Variants in SPSB1 observed in about 807,000 individuals in gnomAD.
The protein encoded by SPSB1 is splA/ryanodine receptor domain and SOCS box containing 1.
SPSB1 carries 8 observed loss-of-function variants against 21.2 expected under a neutral mutation model. That is an observed-to-expected ratio of 0.38 (90% CI 0.22 to 0.68). The LOEUF (loss-of-function observed/expected upper bound fraction) is 0.68. Ranked by LOEUF, SPSB1 falls within the 30% of genes least tolerant of loss-of-function variation. SPSB1 has a pLI of 0.53. For synonymous variants in SPSB1, 169 were observed against 161.7 expected (o/e 1.05, Z -0.34); for missense variants, 242 against 377.8 (o/e 0.64, Z 2.98).
intron 1 of SPSB1, among the ~76,000 whole-genome samples, chr1:9,331,178 A>G (rs371103665): frequency 3.9e-5 from 6 of 151,996 alleles, no homozygotes; most frequent in Non-Finnish European, 7.3e-5. Flanking sequence ...CTGTGTAACA[A>G]CGGTTCATGG....
At chr1:9,341,480 T>C (rs1640089942) in intron 1 of SPSB1, among the ~76,000 whole-genome samples, 1 of 152,260 alleles carries the variant, frequency 6.6e-6, no homozygotes, top group Non-Finnish European at 1.5e-5. Flanking sequence ...TTAATACTTT[T>C]GGAATGAATT....
intron 1 of SPSB1, among the ~76,000 whole-genome samples, chr1:9,320,927 C>A (rs1238212521): frequency 6.6e-6 from 1 of 151,618 alleles, no homozygotes; most frequent in Non-Finnish European, 1.5e-5. Flanking sequence ...ACCCCTCCCC[C>A]TGCCAGGCTC....
In SPSB1 at chr1:9,346,407, G is replaced by A. The variant is rs1569635837; in HGVS notation, c.-149-9336G>A. On this transcript the variant is annotated intron_variant, in intron 1 of 2. Coordinates refer to ENST00000328089, the MANE Select transcript of SPSB1 (RefSeq NM_025106.4). The surrounding 1 kb of genome is among the most constrained non-coding windows in gnomAD (Gnocchi z 4.4). ...TCGCTGGTGACAGACCCACCTCTGT[G>A]CATCCTTTACCTGCCCTTTCTGTCT... Among the ~76,000 whole-genome samples, 2 of 152,296 alleles carry A rather than the reference G, an allele frequency of 1.3e-5. No individual in the cohort carries two copies. Among genetic ancestry groups the A allele is most frequent in the Admixed American group, 1.3e-4 (2 of 15,304 alleles).
intron 1 of SPSB1, among the ~76,000 whole-genome samples, chr1:9,296,758 G>A (rs988949275): frequency 5.3e-5 from 8 of 152,262 alleles, no homozygotes; most frequent in African/African-American, 1.9e-4. Context: ...CGGGGCAAGA[G>A]TCGGGAGATG....
At chr1:9,308,979 C>T (rs1294039) in intron 1 of SPSB1, among the ~76,000 whole-genome samples, 1,913 of 152,116 alleles carry the variant, frequency 0.013, 29 homozygotes, top group African/African-American at 0.032. Flanking sequence ...AGGGGCTGGG[C>T]GGGCACCAGG....
chr1:9,295,232 G>A (rs1003939913), intron 1 of SPSB1, among the ~76,000 whole-genome samples: 1 of 151,434 alleles, frequency 6.6e-6, no homozygotes, highest in Non-Finnish European at 1.5e-5. Flanking sequence ...GTGTGTGTGT[G>A]TGTGTGTGTG....
chr1:9,354,034 G>C (rs1286875252), intron 1 of SPSB1, among the ~76,000 whole-genome samples: 2 of 152,154 alleles, frequency 1.3e-5, no homozygotes, highest in African/African-American at 4.8e-5. Flanking sequence ...GGAAGGTTCT[G>C]CCAGGACCAA....
chr1:9,312,364 A>C (rs1399720578), intron 1 of SPSB1, among the ~76,000 whole-genome samples: 1 of 151,816 alleles, frequency 6.6e-6, no homozygotes, highest in Non-Finnish European at 1.5e-5. Context: ...GGAGTCCCTG[A>C]CCTTCCTGAA....
intron 1 of SPSB1, among the ~76,000 whole-genome samples, chr1:9,323,421 G>A (rs1307812528): frequency 6.6e-6 from 1 of 152,182 alleles, no homozygotes; most frequent in African/African-American, 2.4e-5. Flanking sequence ...CGGCCCGTTG[G>A]CAGAGATCTC....
intron 1 of SPSB1, among the ~76,000 whole-genome samples, chr1:9,332,950 T>A (rs940649886): frequency 6.6e-6 from 1 of 152,172 alleles, no homozygotes; most frequent in Non-Finnish European, 1.5e-5. Flanking sequence ...CGGCTGTGGG[T>A]GGTTCTGGCC....
chr1:9,299,963 CAAAA>C (rs549304734), intron 1 of SPSB1, among the ~76,000 whole-genome samples: 94 of 88,344 alleles, frequency 1.1e-3, no homozygotes, highest in Non-Finnish European at 1.8e-3. Flanking sequence ...GACCCTGTCT[CAAAA>C]AAAAAAAAAA....
chr1:9,355,396 T>C (rs554864570), intron 1 of SPSB1, among the ~76,000 whole-genome samples: 1 of 152,388 alleles, frequency 6.6e-6, no homozygotes, highest in African/African-American at 2.4e-5. Context: ...GGCTGAGTCC[T>C]GGTTCTGTGG....
chr1:9,299,718 A>T (rs55707118), intron 1 of SPSB1, among the ~76,000 whole-genome samples: 40,290 of 151,694 alleles, frequency 0.27, 5,631 homozygotes, highest in African/African-American at 0.29. Context: ...ACACCAAGTG[A>T]TTCACCCGCC....
chr1:9,312,177 A>T (rs1639531875), intron 1 of SPSB1, among the ~76,000 whole-genome samples: 1 of 150,316 alleles, frequency 6.7e-6, no homozygotes, highest in South Asian at 2.1e-4. Context: ...TAATTTTTTA[A>T]TTTTTTTCGA....
chr1:9,337,372 G>T (rs1557457937), intron 1 of SPSB1, among the ~76,000 whole-genome samples: 1 of 152,134 alleles, frequency 6.6e-6, no homozygotes, highest in African/African-American at 2.4e-5. Flanking sequence ...ACACTCAGGG[G>T]AGGAGTGTGG....
chr1:9,339,884 G>T (rs1173907046), intron 1 of SPSB1, among the ~76,000 whole-genome samples: 1 of 152,170 alleles, frequency 6.6e-6, no homozygotes, highest in East Asian at 1.9e-4. Flanking sequence ...GATGTGGCTG[G>T]TTCAGGTCAG....
At chr1:9,362,814 TCC>T (rs898848715) in intron 2 of SPSB1, among the ~76,000 whole-genome samples, 7 of 152,218 alleles carry the variant, frequency 4.6e-5, no homozygotes, top group Admixed American at 1.3e-4. Flanking sequence ...AGGCTTCTGC[TCC>T]CAGAAATAGC....
rs1639715475 is a variant in SPSB1 at position 9,321,094 on chromosome 1, A to C, written c.-150+28023A>C. Among the ~76,000 whole-genome samples the C allele has an allele frequency of 6.6e-6, 1 of 152,108 alleles. No homozygotes were observed. Among genetic ancestry groups the C allele is most frequent in the Non-Finnish European group, 1.5e-5 (1 of 68,028 alleles). On this transcript the variant is annotated intron_variant, in intron 1 of 2. Transcript: ENST00000328089. The surrounding 1 kb of genome is among the most constrained non-coding windows in gnomAD (Gnocchi z 4.8). ...CTGGAAATAGTCCTGTTTCCCTTTC[A>C]GCCTTTTCCTTCTACCCCTCCCCCG...
chr1:9,358,020 A>AG (rs1640402834), intron 2 of SPSB1, among the ~76,000 whole-genome samples: 1 of 152,150 alleles, frequency 6.6e-6, no homozygotes, highest in South Asian at 2.1e-4. Flanking sequence ...CAAGAGGCAG[A>AG]GGGGGGTGAG....
Sources: gnomAD v4.1 joint callset for allele counts (sites outside exome capture counted in the v4.1 genomes callset) on GRCh38, gnomAD v4.1.1 for gene constraint, Gnocchi (gnomAD v3.1) non-coding constraint, MANE v1.5 for transcripts, NCBI Gene and HGNC (gene_info 2026-07-23, HGNC 2026-07-21) for gene names.